YWHAE: variants seen among roughly 807,000 people sequenced by gnomAD.
YWHAE encodes tyrosine 3-monooxygenase/tryptophan 5-monooxygenase activation protein epsilon.
YWHAE carries 4 observed loss-of-function variants against 30.1 expected under a neutral mutation model. That is an observed-to-expected ratio of 0.13 (90% CI 0.07 to 0.30). The LOEUF (loss-of-function observed/expected upper bound fraction) is 0.30. Among genes scored for constraint, YWHAE ranks in the 10% least tolerant of loss-of-function variants. The pLI, the probability that YWHAE is intolerant of heterozygous loss-of-function variation, is 1.00. For missense variants in YWHAE, 121 were observed against 315.9 expected (o/e 0.38, Z 4.68); for synonymous variants, 118 against 111.8 (o/e 1.06, Z -0.35).
At chr17:1,368,043 G>A (rs902713318) in intron 1 of YWHAE, among the ~76,000 whole-genome samples, 2 of 152,034 alleles carry the variant, frequency 1.3e-5, no homozygotes, top group African/African-American at 2.4e-5. Flanking sequence ...CTGAGGTCAG[G>A]AGTTCAAGAC....
intron 4 of YWHAE, among the ~76,000 whole-genome samples, chr17:1,358,271 G>T (rs541797948): frequency 2.0e-5 from 3 of 152,110 alleles, no homozygotes; most frequent in Non-Finnish European, 4.4e-5. Context: ...ACGGAGTCTC[G>T]CTCTGTCGCC....
At chr17:1,359,959 G>GGAGAGAGA (rs1311826142) in intron 4 of YWHAE, among the ~76,000 whole-genome samples, 2 of 109,012 alleles carry the variant, frequency 1.8e-5, no homozygotes, top group Admixed American at 9.5e-5. Context: ...GGAGAGAGGG[G>GGAGAGAGA]GAGAGAGAGA....
At chr17:1,357,536 C>T (rs1014182701) in intron 4 of YWHAE, among the ~76,000 whole-genome samples, 1 of 151,448 alleles carries the variant, frequency 6.6e-6, no homozygotes, top group African/African-American at 2.4e-5. Context: ...GCTGAGATCA[C>T]GCCACTGTAC....
chr17:1,379,251 G>A (rs1234072353), intron 1 of YWHAE, among the ~76,000 whole-genome samples: 1 of 152,194 alleles, frequency 6.6e-6, no homozygotes, highest in African/African-American at 2.4e-5. Context: ...TTGGGAGGAT[G>A]AAGCGGGCAG....
At chr17:1,395,248 C>T (rs1428862119) in intron 1 of YWHAE, among the ~76,000 whole-genome samples, 3 of 152,062 alleles carry the variant, frequency 2.0e-5, no homozygotes, top group African/African-American at 7.2e-5. Flanking sequence ...CAAAAATTGG[C>T]TGGGTGCGGT....
chr17:1,374,499 G>C (rs2073094699), intron 1 of YWHAE, among the ~76,000 whole-genome samples: 1 of 152,104 alleles, frequency 6.6e-6, no homozygotes, highest in Admixed American at 6.6e-5. Flanking sequence ...AGCTTTTTGA[G>C]GAAGGACATC....
intron 5 of YWHAE, among the ~76,000 whole-genome samples, 185 bp from the exon 6 acceptor site, chr17:1,345,684 C>T (rs1258581033): frequency 1.3e-5 from 2 of 152,032 alleles, no homozygotes; most frequent in Non-Finnish European, 2.9e-5. Context: ...GATTATGGTC[C>T]TGAAAGTATT....
At chr17:1,386,909 G>A (rs1404277239) in intron 1 of YWHAE, among the ~76,000 whole-genome samples, 14 of 151,656 alleles carry the variant, frequency 9.2e-5, no homozygotes, top group South Asian at 2.1e-4. Context: ...AGCCAAGATC[G>A]CGCCATTGCA....
At chr17:1,355,114 TTTAAAAAAA>T (rs2072712598) in intron 4 of YWHAE, among the ~76,000 whole-genome samples, 3 of 1,794 alleles carry the variant, frequency 1.7e-3, no homozygotes, top group East Asian at 0.02. Context: ...CCCAAGATTT[TTTAAAAAAA>T]AAAAAAAAAA....
chr17:1,359,689 G>A (rs757159366), intron 4 of YWHAE, among the ~76,000 whole-genome samples: 3 of 151,946 alleles, frequency 2.0e-5, no homozygotes, highest in East Asian at 3.9e-4. Context: ...AGCAGCTAGG[G>A]AGAGGGGAAA....
chr17:1,388,150 A>G, intron 1 of YWHAE, among the ~76,000 whole-genome samples: 1 of 92,240 alleles, frequency 1.1e-5, no homozygotes, highest in Non-Finnish European at 2.0e-5. Context: ...TTTAGTAGAG[A>G]CGAGGTTTCA....
At chr17:1,354,606 C>A (rs994826201) in intron 4 of YWHAE, among the ~76,000 whole-genome samples, 2 of 152,196 alleles carry the variant, frequency 1.3e-5, no homozygotes, top group Non-Finnish European at 2.9e-5. Flanking sequence ...CCATCCTAAA[C>A]CATCACCAAA....
intron 1 of YWHAE, among the ~76,000 whole-genome samples, chr17:1,387,297 C>T (rs1205951792): frequency 1.3e-5 from 2 of 152,104 alleles, no homozygotes; most frequent in African/African-American, 2.4e-5. Context: ...TAAACACGTT[C>T]GGCTGCAGTA....
intron 5 of YWHAE, chr17:1,352,227 G>A (rs576165640): frequency 3.3e-5 from 5 of 152,268 alleles, no homozygotes; most frequent in African/African-American, 1.2e-4. Context: ...GTGTAAGTAA[G>A]TCCTACGTAT....
At chr17:1,354,003 T>A (rs576728656) in intron 5 of YWHAE, among the ~76,000 whole-genome samples, 1 of 152,122 alleles carries the variant, frequency 6.6e-6, no homozygotes, top group Non-Finnish European at 1.5e-5. Flanking sequence ...TTTGAAACAG[T>A]GTAAAGGAAG....
At chr17:1,376,329 A>G (rs922952698) in intron 1 of YWHAE, among the ~76,000 whole-genome samples, 6 of 152,142 alleles carry the variant, frequency 3.9e-5, no homozygotes, top group Non-Finnish European at 8.8e-5. Context: ...AGAAAGAACG[A>G]AGACAGAAAG....
At chr17:1,391,864 A>C (rs1372467476) in intron 1 of YWHAE, among the ~76,000 whole-genome samples, 1 of 152,188 alleles carries the variant, frequency 6.6e-6, no homozygotes, top group Non-Finnish European at 1.5e-5. Flanking sequence ...TGGGAAGATC[A>C]CATGAGCTCA....
intron 1 of YWHAE, among the ~76,000 whole-genome samples, chr17:1,384,302 G>A (rs1598264861): frequency 6.6e-6 from 1 of 151,198 alleles, no homozygotes; most frequent in African/African-American, 2.4e-5. Context: ...CTTGAGCCCA[G>A]GAGGTGAGGG....
At chr17:1,357,902 G>C (rs932701819) in intron 4 of YWHAE, among the ~76,000 whole-genome samples, 1 of 151,480 alleles carries the variant, frequency 6.6e-6, no homozygotes, top group Non-Finnish European at 1.5e-5. Context: ...ACTCCAGCCT[G>C]GGAAACACAG....
Sources: gnomAD v4.1 joint callset for allele counts (sites outside exome capture counted in the v4.1 genomes callset) on GRCh38, gnomAD v4.1.1 for gene constraint, MANE v1.5 for transcripts, NCBI Gene and HGNC (gene_info 2026-07-23, HGNC 2026-07-21) for gene names.